Variants in MYO7A observed in about 807,000 individuals in gnomAD.
MYO7A encodes unconventional myosin-VIIa.
In MYO7A, 210 loss-of-function variants were observed where a neutral mutation model predicts 263.8. That is an observed-to-expected ratio of 0.80 (90% CI 0.71 to 0.89). The LOEUF is 0.89. Ranked by LOEUF, MYO7A falls within the 40% of genes least tolerant of loss-of-function variation. The probability of loss-of-function intolerance (pLI) is 0.00; values close to 1 mark genes in which losing one functional copy is unlikely to be tolerated. For synonymous variants in MYO7A, 1,239 were observed against 1,197.3 expected (o/e 1.03, Z -0.72); for missense variants, 2,820 against 2,968.3 (o/e 0.95, Z 1.16).
At chr11:77,158,742 A>G (rs1382150422) in intron 9 of MYO7A, among the ~76,000 whole-genome samples, 6 of 152,182 alleles carry the variant, frequency 3.9e-5, no homozygotes, top group Non-Finnish European at 7.3e-5. Context: ...TCTTAGAGAG[A>G]GGGTAAATCT....
chr11:77,192,929 TTGTTTGTGA>T (rs1956237833), intron 31 of MYO7A, among the ~76,000 whole-genome samples: 1 of 73,528 alleles, frequency 1.4e-5, no homozygotes, highest in African/African-American at 6.4e-5. Flanking sequence ...AGTGATGGTG[TTGTTTGTGA>T]TGGTGGAGGT....
intron 15 of MYO7A, among the ~76,000 whole-genome samples, chr11:77,172,059 T>A (rs1222868687): frequency 6.6e-6 from 1 of 152,228 alleles, no homozygotes; most frequent in Non-Finnish European, 1.5e-5. Context: ...CCCAGCCTGC[T>A]GCTGCCGGCT....
Position 77,162,926 on chromosome 11 carries a change from A to G in MYO7A, c.1628A>G (p.Asn543Ser). ...KLNANYIPPK[N>S]NHETQFGINH... Reference sequence around the variant, plus strand: ...AACGCCAACTACATCCCCCCCAAGAACAACCATGAGACCCAGTTTGGCATC... The same window carrying G: ...AACGCCAACTACATCCCCCCCAAGAGCAACCATGAGACCCAGTTTGGCATC... The change falls in exon 14 of 49, where the codon AAC becomes AGC. Residue 543 changes from asparagine (N) to serine (S), a missense_variant. Transcript: ENST00000409709. 1.2e-6 allele frequency: 2 copies of G among 1,613,772 alleles called. No individual in the cohort carries two copies. Among genetic ancestry groups the G allele is most frequent in the Non-Finnish European group, 1.7e-6 (2 of 1,179,844 alleles).
At chr11:77,163,738 T>A (rs1371773251) in intron 14 of MYO7A, among the ~76,000 whole-genome samples, 1 of 152,216 alleles carries the variant, frequency 6.6e-6, no homozygotes, top group Non-Finnish European at 1.5e-5. Flanking sequence ...TCATCCACGT[T>A]GTAGCATGTA....
chr11:77,174,647 C>G, intron 16 of MYO7A, 109 bp from the exon 17 acceptor site: 1 of 1,155,310 alleles, frequency 8.7e-7, no homozygotes, highest in East Asian at 2.6e-5. Context: ...CCTCCCATGC[C>G]GTGTGGACTT....
chr11:77,157,087 G>A, intron 7 of MYO7A, 83 bp downstream of exon 7: 1 of 1,546,622 alleles, frequency 6.5e-7, no homozygotes, highest in African/African-American at 1.4e-5. Context: ...CCGTATTGCT[G>A]CCCGTATTGC....
At chr11:77,199,426 C>T in intron 34 of MYO7A, 109 bp from the exon 35 acceptor site, 3 of 1,239,250 alleles carry the variant, frequency 2.4e-6, no homozygotes, top group Non-Finnish European at 3.2e-6. Context: ...CTGGGCCATG[C>T]CTGACTCTGG....
At chr11:77,207,201 C>A in intron 41 of MYO7A, 88 bp from the exon 42 acceptor site, 2 of 839,836 alleles carry the variant, frequency 2.4e-6, no homozygotes, top group Non-Finnish European at 3.8e-6. Flanking sequence ...GGAGGGGGCT[C>A]AGTATAGGAG....
At chr11:77,133,280 T>C (rs782505374) in intron 2 of MYO7A, among the ~76,000 whole-genome samples, 16 of 152,174 alleles carry the variant, frequency 1.1e-4, no homozygotes, top group Non-Finnish European at 2.1e-4. Context: ...GTGGCACACC[T>C]GACTCACATC....
At chr11:77,190,953 C>CG in intron 30 of MYO7A, 83 bp downstream of exon 30, 1 of 1,403,530 alleles carries the variant, frequency 7.1e-7, no homozygotes, top group South Asian at 1.4e-5. Context: ...ACCTACTTGC[C>CG]GGGGCTATTC....
chr11:77,212,569 G>A (rs1957957013), intron 46 of MYO7A: 2 of 349,610 alleles, frequency 5.7e-6, no homozygotes, highest in Non-Finnish European at 1.1e-5. Flanking sequence ...CAGGAGTATG[G>A]TGAGGAGGCT....
Position 77,199,769 on chromosome 11 carries a change from C to G in MYO7A, c.4803C>G (p.Leu1601=), listed in dbSNP as rs778484667. Reference sequence around the variant, plus strand: ...TGGTGGTCACCTTCCTAGAGGGGCTCCGGAAGAGATCTAAGTATGTTGTGG... The same window carrying G: ...TGGTGGTCACCTTCCTAGAGGGGCTGCGGAAGAGATCTAAGTATGTTGTGG... ...RDLVVTFLEG[L]RKRSKYVVAL... is the part of the protein sequence containing the mutation. The change falls in exon 35 of 49, where the codon CTC becomes CTG. Residue 1601 remains leucine (L), a synonymous_variant. Transcript: ENST00000409709. The G allele has an allele frequency of 2.5e-6, 4 of 1,611,490 alleles. No homozygotes were observed. The East Asian group carries it at 6.7e-5, about 27-fold the overall frequency.
chr11:77,212,011 G>C, intron 46 of MYO7A, 74 bp downstream of exon 46: 1 of 1,267,822 alleles, frequency 7.9e-7, no homozygotes, highest in Non-Finnish European at 1.1e-6. Flanking sequence ...TCCTCCCTAG[G>C]ACTGTGGGAA....
chr11:77,212,740 C>A, intron 46 of MYO7A: 1 of 600,698 alleles, frequency 1.7e-6, no homozygotes, highest in Non-Finnish European at 3.0e-6. Context: ...GAGGACAAAG[C>A]AGAGGATGGC....
chr11:77,190,631 A>C, intron 29 of MYO7A, 66 bp from the exon 30 acceptor site: 1 of 1,514,274 alleles, frequency 6.6e-7, no homozygotes. Flanking sequence ...GCAGAGAGCC[A>C]AAGTCCAGAG....
In MYO7A at chr11:77,190,059, G is replaced by A. The variant is rs748928605; in HGVS notation, c.3670G>A (p.Ala1224Thr). ...CATCCACGGGGGCCCGCCCGGCTAC[G>A]CCCCGTACTGTGAGGAGCGCCTGAG... ...NFIHGGPPGY[A>T]PYCEERLRRT... Residue 1224 changes from alanine (A) to threonine (T), a missense_variant, in exon 29 of 49, where the codon GCC becomes ACC. Transcript: ENST00000409709. 34 of 1,572,664 alleles carry A rather than the reference G, an allele frequency of 2.2e-5. No individual in the cohort carries two copies. Among genetic ancestry groups the A allele is most frequent in the African/African-American group, 2.0e-4 (15 of 74,058 alleles).
intron 42 of MYO7A, 93 bp from the exon 43 acceptor site, chr11:77,208,337 G>T (rs1392762264): frequency 1.0e-5 from 10 of 994,262 alleles, no homozygotes; most frequent in Non-Finnish European, 1.5e-5. Context: ...AGTCTTCCCT[G>T]AGAAGGAGCA....
rs149133601 is a variant in MYO7A at position 77,208,325 on chromosome 11, G to A, written c.5857-105G>A. On this transcript the variant is annotated intron_variant, in intron 42 of 48. Coordinates refer to ENST00000409709, the MANE Select transcript of MYO7A (RefSeq NM_000260.4). ...ACAGAAACCCCTTCCGGCTGGGAGT[G>A]GAGTCTTCCCTGAGAAGGAGCAGCT... 396 of 870,708 alleles carry A rather than the reference G, an allele frequency of 4.5e-4. 1 individual carries two copies. In the African/African-American group the frequency reaches 5.9e-3, roughly 13 times the overall value. The allele number at this position is 870,708 out of a possible 1,614,324, so 53.9% of individuals were successfully genotyped here. A position where few individuals can be genotyped will look rare whatever the true frequency, so the allele number is the denominator to read the frequency against.
Position 77,190,103 on chromosome 11 carries a change from G to C in MYO7A, c.3714G>C (p.Gly1238=). Reference sequence around the variant, plus strand: ...GCCTGAGAAGGACCTTTGTCAATGGGACACGGACACAGCCGCCCAGCTGGC... The same window carrying C: ...GCCTGAGAAGGACCTTTGTCAATGGCACACGGACACAGCCGCCCAGCTGGC... The part of the protein sequence containing the change: ...EERLRRTFVN[G]TRTQPPSWLE... The change falls in exon 29 of 49, where the codon GGG becomes GGC. Residue 1238 remains glycine (G), a synonymous_variant. Coordinates refer to ENST00000409709, the MANE Select transcript of MYO7A (RefSeq NM_000260.4). The C allele has an allele frequency of 1.9e-6, 3 of 1,577,426 alleles. No homozygotes were observed. Among genetic ancestry groups the C allele is most frequent in the Non-Finnish European group, 2.6e-6 (3 of 1,162,126 alleles).
Sources: gnomAD v4.1 joint callset for allele counts (sites outside exome capture counted in the v4.1 genomes callset) on GRCh38, gnomAD v4.1.1 for gene constraint, MANE v1.5 for transcripts, NCBI Gene and HGNC (gene_info 2026-07-23, HGNC 2026-07-21) for gene names.